The following RGS21 variants were observed in gnomAD, a reference collection of about 807,000 sequenced individuals.
RGS21 encodes regulator of G protein signaling 21.
In RGS21, 19 loss-of-function variants were observed where a neutral mutation model predicts 18.7. The observed-to-expected ratio is 1.01, with a 90% CI of 0.71 to 1.49. The LOEUF is 1.49. Ranked by LOEUF, RGS21 falls within the 40% of genes most tolerant of loss-of-function variation. The probability of loss-of-function intolerance (pLI) is 0.00; values close to 1 mark genes in which losing one functional copy is unlikely to be tolerated. For synonymous variants in RGS21, 56 were observed against 57.8 expected (o/e 0.97, Z 0.14); for missense variants, 194 against 176.8 (o/e 1.10, Z -0.55).
chr1:192,323,138 G>A (rs1009801109), intron 1 of RGS21, among the ~76,000 whole-genome samples: 2 of 152,124 alleles, frequency 1.3e-5, no homozygotes, highest in Non-Finnish European at 2.9e-5. Context: ...GATGGAAATT[G>A]CAGATACAGT....
intron 3 of RGS21, among the ~76,000 whole-genome samples, chr1:192,348,018 ATG>A (rs1315155243): frequency 6.7e-6 from 1 of 148,408 alleles, no homozygotes; most frequent in African/African-American, 2.5e-5. Context: ...ACATATATAT[ATG>A]TATTTTTTTT....
At chr1:192,332,572 GA>G (rs1334526658) in intron 1 of RGS21, among the ~76,000 whole-genome samples, 1 of 152,076 alleles carries the variant, frequency 6.6e-6, no homozygotes, top group Non-Finnish European at 1.5e-5. Flanking sequence ...ATGACATCAA[GA>G]GCACAATTCA....
At chr1:192,334,871 C>A (rs1557976217) in intron 1 of RGS21, among the ~76,000 whole-genome samples, 1 of 152,074 alleles carries the variant, frequency 6.6e-6, no homozygotes, top group African/African-American at 2.4e-5. Context: ...GTTGACACGT[C>A]TTTTAAAATA....
At chr1:192,352,371 C>CT (rs76831740) in intron 4 of RGS21, among the ~76,000 whole-genome samples, 158 bp downstream of exon 4, 5 of 151,784 alleles carry the variant, frequency 3.3e-5, no homozygotes, top group East Asian at 1.9e-4. Flanking sequence ...AGATGACTCT[C>CT]TTTTTTTTCA....
At chr1:192,330,249 A>G (rs1438275549) in intron 1 of RGS21, among the ~76,000 whole-genome samples, 6 of 152,200 alleles carry the variant, frequency 3.9e-5, no homozygotes, top group Admixed American at 3.9e-4. Flanking sequence ...AGTTCTGTGG[A>G]TCAGAGATGG....
Position 192,344,138 on chromosome 1 carries a change from G to A in RGS21, c.11+1091G>A, listed in dbSNP as rs370716821. 1.2e-4 allele frequency among the ~76,000 whole-genome samples: 18 copies of A among 151,894 alleles called. No individual in the cohort carries two copies. The South Asian group carries it at 1.2e-3, about 11-fold the overall frequency. ...TTCATGAATTCTTAAATTCTGTTTCGTGTAAGCTTTCAGTTGAGCAGCCAG... is the reference window on the plus strand; with the variant it reads ...TTCATGAATTCTTAAATTCTGTTTCATGTAAGCTTTCAGTTGAGCAGCCAG... On this transcript the variant is annotated intron_variant, in intron 2 of 4. Coordinates refer to ENST00000417209, the MANE Select transcript of RGS21 (RefSeq NM_001039152.3).
chr1:192,332,846 C>G (rs1658678506), intron 1 of RGS21, among the ~76,000 whole-genome samples: 1 of 151,956 alleles, frequency 6.6e-6, no homozygotes, highest in Admixed American at 6.6e-5. Context: ...CCCAGCAGTT[C>G]AAAGCTGCAG....
At chr1:192,327,301 T>A (rs1399397500) in intron 1 of RGS21, among the ~76,000 whole-genome samples, 2 of 151,638 alleles carry the variant, frequency 1.3e-5, no homozygotes, top group African/African-American at 4.8e-5. Flanking sequence ...CGAAAAAGCA[T>A]CAGAAAAAAG....
rs181398761 is a variant in RGS21, at chr1:192,329,554, G to C, written c.-61+12449G>C. Among the ~76,000 whole-genome samples, 180 of 152,058 alleles carry C rather than the reference G, an allele frequency of 1.2e-3. 1 individual carries two copies. In the Middle Eastern group the frequency reaches 0.024, roughly 20 times the overall value. On this transcript the variant is annotated intron_variant, in intron 1 of 4. Coordinates refer to ENST00000417209, the MANE Select transcript of RGS21 (RefSeq NM_001039152.3). Reference sequence around the variant, plus strand: ...CATAAGAAAAATAAAAACATATAACGACCTATTACTCTAACTTAAAAGAAT... The same window carrying C: ...CATAAGAAAAATAAAAACATATAACCACCTATTACTCTAACTTAAAAGAAT...
At chr1:192,360,809 A>T (rs1043568793) in intron 4 of RGS21, among the ~76,000 whole-genome samples, 1 of 152,148 alleles carries the variant, frequency 6.6e-6, no homozygotes, top group Non-Finnish European at 1.5e-5. Context: ...AATATTTCAT[A>T]GTCATAATAC....
chr1:192,351,934 C>G (rs889479701), intron 3 of RGS21, 113 bp from the exon 4 acceptor site: 32 of 582,552 alleles, frequency 5.5e-5, no homozygotes, highest in Non-Finnish European at 9.3e-5. Flanking sequence ...ATGCAATGAT[C>G]AATATTTGCC....
At chr1:192,322,260 G>GA (rs5779617) in intron 1 of RGS21, among the ~76,000 whole-genome samples, 45,820 of 151,012 alleles carry the variant, frequency 0.3, 7,750 homozygotes, top group African/African-American at 0.45. Flanking sequence ...TGTGTCAGCA[G>GA]AAAAAAAAAT....
chr1:192,332,383 C>T (rs939288271), intron 1 of RGS21, among the ~76,000 whole-genome samples: 1 of 152,116 alleles, frequency 6.6e-6, no homozygotes, highest in African/African-American at 2.4e-5. Flanking sequence ...AATTTAATCC[C>T]TGCCAAACTG....
chr1:192,350,021 CATT>C (rs1410893698), intron 3 of RGS21, among the ~76,000 whole-genome samples: 1 of 152,078 alleles, frequency 6.6e-6, no homozygotes, highest in African/African-American at 2.4e-5. Context: ...GAAATTTCAT[CATT>C]GTTTGAACTG....
intron 4 of RGS21, among the ~76,000 whole-genome samples, chr1:192,352,809 G>A (rs113634871): frequency 3.3e-3 from 501 of 152,016 alleles, no homozygotes; most frequent in African/African-American, 0.011. Flanking sequence ...TCTGTTAATA[G>A]CGCTCCAAAC....
chr1:192,353,429 T>C (rs558231193), intron 4 of RGS21, among the ~76,000 whole-genome samples: 135 of 152,004 alleles, frequency 8.9e-4, no homozygotes, highest in Non-Finnish European at 1.5e-3. Context: ...TTCTGGAAAA[T>C]TGAAAATGTT....
intron 1 of RGS21, among the ~76,000 whole-genome samples, chr1:192,335,633 G>A (rs1362863515): frequency 6.6e-6 from 1 of 152,158 alleles, no homozygotes; most frequent in Non-Finnish European, 1.5e-5. Context: ...TATTGCAGTA[G>A]AAAATATGTA....
intron 1 of RGS21, among the ~76,000 whole-genome samples, chr1:192,320,199 T>G (rs1428634975): frequency 6.6e-6 from 1 of 151,992 alleles, no homozygotes; most frequent in Non-Finnish European, 1.5e-5. Context: ...AGGCTTAATA[T>G]CTGGGTGAAA....
chr1:192,324,717 T>G (rs1260506885), intron 1 of RGS21, among the ~76,000 whole-genome samples: 1 of 151,932 alleles, frequency 6.6e-6, no homozygotes, highest in Admixed American at 6.6e-5. Context: ...AAAACCTCCA[T>G]CCATAGAAAA....
Sources: allele counts gnomAD v4.1 joint callset (sites outside exome capture counted in the v4.1 genomes callset), GRCh38; gene constraint gnomAD v4.1.1; transcripts MANE v1.5; gene names NCBI Gene and HGNC (gene_info 2026-07-23, HGNC 2026-07-21).